GUCY2C: variants seen among roughly 807,000 people sequenced by gnomAD.
GUCY2C encodes guanylyl cyclase C.
GUCY2C carries 118 observed loss-of-function variants against 131.1 expected under a neutral mutation model. The ratio of observed to expected loss-of-function variants is 0.90; its 90% CI spans 0.78 to 1.05. The LOEUF is 1.05. GUCY2C is among the 50% of genes least tolerant of loss of function. The probability of loss-of-function intolerance (pLI) is 0.00; values close to 1 mark genes in which losing one functional copy is unlikely to be tolerated. For missense variants in GUCY2C, 1,161 were observed against 1,304.4 expected, an observed-to-expected ratio of 0.89 and a Z score of 1.69; for synonymous variants, 452 against 457.8, an observed-to-expected ratio of 0.99 and a Z score of 0.16.
chr12:14,631,628 CATT>C (rs1947149133), intron 19 of GUCY2C, among the ~76,000 whole-genome samples: 1 of 148,738 alleles, frequency 6.7e-6, no homozygotes, highest in South Asian at 2.1e-4. Flanking sequence ...TCCAGTCTAT[CATT>C]GTTGGACATT....
intron 21 of GUCY2C, among the ~76,000 whole-genome samples, chr12:14,624,239 G>A (rs772489515): frequency 7.2e-5 from 11 of 152,170 alleles, no homozygotes; most frequent in Non-Finnish European, 1.5e-4. Context: ...TCAGGAGTTC[G>A]AGACCAGTCT....
rs909641712 is a variant in GUCY2C at position 14,669,752 on chromosome 12, A to C, written c.1252T>G (p.Ser418Ala). The C allele has an allele frequency of 2.5e-6, 4 of 1,594,948 alleles. No homozygotes were observed. Among genetic ancestry groups the C allele is most frequent in the Admixed American group, 3.4e-5 (2 of 59,428 alleles). The change falls in exon 10 of 27, where the codon TCT becomes GCT. Residue 418 changes from serine (S) to alanine (A), a missense_variant. Physicochemically the swap from Ser to Ala is moderately conservative, Grantham distance 99 (BLOSUM62 1). Transcript: ENST00000261170. ...DMSPTFTWKN[S>A]KLPNDITGRG... ...CCTGTAATATCATTAGGAAGTTTAG[A>C]GTTCTTCCAAGTGAATGTGGGGCTC... is the stretch of plus-strand genomic sequence containing the variant.
In GUCY2C at chr12:14,696,394, A is replaced by G; in HGVS notation, c.55T>C (p.Trp19Arg). 1 of 1,613,940 alleles carries G rather than the reference A, an allele frequency of 6.2e-7. No individual in the cohort carries two copies. Among genetic ancestry groups the G allele is most frequent in the Non-Finnish European group, 8.5e-7 (1 of 1,179,922 alleles). The stretch of plus-strand genomic sequence containing the variant: ...CTCACCTGGGAACTAAAGGACAGCC[A>G]CCCGGGCTGGAAGAGCAGTGACCAC... ...ALWSLLFQPG[W>R]LSFSSQVSQN... The change falls in exon 1 of 27, where the codon TGG becomes CGG. Residue 19 changes from tryptophan (W) to arginine (R), a missense_variant. Physicochemically the swap from Trp to Arg is moderately radical, Grantham distance 101. Coordinates refer to ENST00000261170, the MANE Select transcript of GUCY2C (RefSeq NM_004963.4).
At chr12:14,668,907 G>A (rs938501294) in intron 10 of GUCY2C, among the ~76,000 whole-genome samples, 2 of 152,224 alleles carry the variant, frequency 1.3e-5, no homozygotes, top group Admixed American at 1.3e-4. Flanking sequence ...AAGTAGGTGG[G>A]TAACTATCAT....
At chr12:14,631,331 T>A (rs1947141643) in intron 19 of GUCY2C, among the ~76,000 whole-genome samples, 1 of 151,866 alleles carries the variant, frequency 6.6e-6, no homozygotes, top group Non-Finnish European at 1.5e-5. Context: ...GCTGCACCAA[T>A]TAACTCGTCA....
chr12:14,635,247 A>G (rs1451222182), intron 19 of GUCY2C, among the ~76,000 whole-genome samples: 1 of 152,204 alleles, frequency 6.6e-6, no homozygotes, highest in Non-Finnish European at 1.5e-5. Flanking sequence ...ATAAAGAACC[A>G]GAATTATATC....
chr12:14,612,991 G>T lies in GUCY2C; in HGVS notation c.*126C>A. 1 of 751,994 alleles carries T rather than the reference G, an allele frequency of 1.3e-6. No individual in the cohort carries two copies. 46.6% of individuals were successfully genotyped at this position (751,994 alleles called of 1,614,324 possible). On this transcript the variant is annotated 3_prime_UTR_variant, in exon 27 of 27. Transcript: ENST00000261170. Reference sequence around the variant, plus strand: ...GAAAGTCCATGTTCCAGACAGGGCAGCCAAGCCTAAGTACATTTCTGCTTC... The same window carrying T: ...GAAAGTCCATGTTCCAGACAGGGCATCCAAGCCTAAGTACATTTCTGCTTC...
Position 14,614,709 on chromosome 12 carries a change from G to A in GUCY2C, c.3047+158C>T. On this transcript the variant is annotated intron_variant, in intron 26 of 26. Coordinates refer to ENST00000261170, the MANE Select transcript of GUCY2C (RefSeq NM_004963.4). ...GTTTCAGGATAATCCCCTTCTTGCA[G>A]TCTAGGAAGGGAGGTTTCTAAACCT... is the stretch of plus-strand genomic sequence containing the variant. 8.7e-6 allele frequency: 5 copies of A among 574,468 alleles called. No homozygotes were observed. The South Asian group carries it at 1.2e-4, about 13-fold the overall frequency. The allele number at this position is 574,468 out of a possible 1,614,324, so 35.6% of individuals were successfully genotyped here.
rs373582118 is a variant in GUCY2C at position 14,619,328 on chromosome 12, A to T, written c.2777-19T>A. On this transcript the variant is annotated intron_variant, in intron 23 of 26. Transcript: ENST00000261170. ...CAGGGACCTGAAATGAAGGACAGAA[A>T]GCAGGAAGTGGAGGCAATAGAAATT... The T allele has an allele frequency of 1.3e-6, 2 of 1,508,346 alleles. No individual in the cohort carries two copies. Among genetic ancestry groups the T allele is most frequent in the Non-Finnish European group, 1.8e-6 (2 of 1,083,588 alleles). 93.4% of individuals were successfully genotyped at this position (1,508,346 alleles called of 1,614,324 possible).
chr12:14,633,086 C>T (rs922636057), intron 19 of GUCY2C, among the ~76,000 whole-genome samples: 1 of 152,138 alleles, frequency 6.6e-6, no homozygotes, highest in Non-Finnish European at 1.5e-5. Flanking sequence ...CTACTGCTGG[C>T]ACCTGAGGAA....
chr12:14,688,546 A>C (rs574008628), intron 1 of GUCY2C, among the ~76,000 whole-genome samples: 1 of 152,206 alleles, frequency 6.6e-6, no homozygotes, highest in South Asian at 2.1e-4. Context: ...ATTTGTTGCC[A>C]ACTTGCAGGA....
intron 19 of GUCY2C, among the ~76,000 whole-genome samples, chr12:14,635,704 T>C (rs1947254497): frequency 6.6e-6 from 1 of 151,902 alleles, no homozygotes; most frequent in Non-Finnish European, 1.5e-5. Flanking sequence ...CAATAAACCA[T>C]TAGCTAGACT....
chr12:14,650,420 G>A (rs1017226908), intron 15 of GUCY2C, among the ~76,000 whole-genome samples: 1 of 152,000 alleles, frequency 6.6e-6, no homozygotes, highest in African/African-American at 2.4e-5. Context: ...GCTAATTTTT[G>A]TAATTTTAGT....
intron 15 of GUCY2C, among the ~76,000 whole-genome samples, chr12:14,648,478 C>T (rs989233500): frequency 2.0e-5 from 3 of 152,122 alleles, no homozygotes; most frequent in African/African-American, 4.8e-5. Context: ...CAACCTCACA[C>T]ACAAAAAGTA....
chr12:14,696,521 G>A lies in GUCY2C; in HGVS notation c.-73C>T, dbSNP rs1948658313. On this transcript the variant is annotated 5_prime_UTR_variant, in exon 1 of 27. Coordinates refer to ENST00000261170, the MANE Select transcript of GUCY2C (RefSeq NM_004963.4). ...TCTGTTGGGCTCCTAGGGAGGCAGG[G>A]AATCCAGATGGACAGCCTCTAGTGG... is the stretch of plus-strand genomic sequence containing the variant. The A allele has an allele frequency of 1.8e-6, 2 of 1,124,586 alleles. No individual in the cohort carries two copies. Among genetic ancestry groups the A allele is most frequent in the East Asian group, 2.4e-5 (1 of 41,164 alleles). 69.7% of individuals were successfully genotyped at this position (1,124,586 alleles called of 1,614,324 possible).
chr12:14,677,733 G>GAT (rs1948266647), intron 6 of GUCY2C, among the ~76,000 whole-genome samples: 2 of 44,356 alleles, frequency 4.5e-5, no homozygotes, highest in Non-Finnish European at 8.9e-5. Flanking sequence ...ACCACGCCCA[G>GAT]CTATTTTTTT....
rs570927120 is a variant in GUCY2C, at chr12:14,666,978, A to G, written c.1282+2744T>C. 3.3e-5 allele frequency among the ~76,000 whole-genome samples: 5 copies of G among 152,280 alleles called. No individual in the cohort carries two copies. The South Asian group carries it at 1.0e-3, about 32-fold the overall frequency. ...ATATAACGTCCCTGTAGGATATAGT[A>G]TGAATATTTAATGTTCACTTTAGGA... On this transcript the variant is annotated intron_variant, in intron 10 of 26. Transcript: ENST00000261170.
chr12:14,647,252 A>T (rs569075464), intron 15 of GUCY2C, among the ~76,000 whole-genome samples: 163 of 152,258 alleles, frequency 1.1e-3, no homozygotes, highest in African/African-American at 3.7e-3. Flanking sequence ...CCTTGATTAT[A>T]ATAACTTTCT....
Position 14,614,962 on chromosome 12 carries a change from T to C in GUCY2C, c.2971-19A>G. On this transcript the variant is annotated intron_variant, in intron 25 of 26. Coordinates refer to ENST00000261170, the MANE Select transcript of GUCY2C (RefSeq NM_004963.4). ...CTCTTCCCTGGTAAGACAAAAGAGT[T>C]ACGTACCACGGAGTCCAAGGAGTCA... 8 of 1,443,660 alleles carry C rather than the reference T, an allele frequency of 5.5e-6. No individual in the cohort carries two copies. The highest frequency in any genetic ancestry group is 7.6e-6 in the Non-Finnish European group (8 of 1,052,620). The allele number at this position is 1,443,660 out of a possible 1,614,324, so 89.4% of individuals were successfully genotyped here. A position where few individuals can be genotyped will look rare whatever the true frequency, so the allele number is the denominator to read the frequency against.
Sources: allele counts gnomAD v4.1 joint callset (sites outside exome capture counted in the v4.1 genomes callset), GRCh38; gene constraint gnomAD v4.1.1; transcripts MANE v1.5; gene names NCBI Gene and HGNC (gene_info 2026-07-23, HGNC 2026-07-21).